Variants in ZNF385D observed in about 807,000 individuals in gnomAD.
ZNF385D encodes zinc finger protein 385D, also known as zinc finger protein 659.
Under a neutral mutation model 35.8 loss-of-function variants are expected in ZNF385D, and 15 were observed. The observed-to-expected ratio is 0.42, with a 90% CI of 0.28 to 0.64. The LOEUF (loss-of-function observed/expected upper bound fraction) is 0.64, where lower values mean the gene tolerates loss of function less well. ZNF385D is among the 30% of genes least tolerant of loss of function. ZNF385D has a pLI of 0.23. For synonymous variants in ZNF385D, 212 were observed against 186.8 expected (o/e 1.13, Z -1.10); for missense variants, 474 against 494.6 (o/e 0.96, Z 0.39).
At chr3:21,882,242 T>C (rs1379996470) in intron 3 of ZNF385D, among the ~76,000 whole-genome samples, 1 of 151,926 alleles carries the variant, frequency 6.6e-6, no homozygotes, top group Admixed American at 6.6e-5. Context: ...AGTAAACATC[T>C]TTGTCTTTAT....
At chr3:21,947,716 A>C (rs1044421490) in intron 3 of ZNF385D, among the ~76,000 whole-genome samples, 1 of 152,122 alleles carries the variant, frequency 6.6e-6, no homozygotes, top group African/African-American at 2.4e-5. Context: ...ATATGTATTA[A>C]TCCATCTATC....
At chr3:22,271,251 A>G (rs1701162607) in intron 2 of ZNF385D, among the ~76,000 whole-genome samples, 1 of 151,954 alleles carries the variant, frequency 6.6e-6, no homozygotes, top group African/African-American at 2.4e-5. Context: ...CATAGCAGAA[A>G]AAAGGATGAA....
intron 3 of ZNF385D, among the ~76,000 whole-genome samples, chr3:22,037,871 A>G (rs1698436188): frequency 1.3e-5 from 2 of 152,142 alleles, no homozygotes; most frequent in African/African-American, 4.8e-5. Context: ...TACTGGTACC[A>G]AAACAGAGAT....
chr3:21,950,518 G>T (rs2125297127), intron 3 of ZNF385D, among the ~76,000 whole-genome samples: 2 of 151,794 alleles, frequency 1.3e-5, no homozygotes, highest in Middle Eastern at 6.8e-3. Flanking sequence ...TCACTCTGAT[G>T]ATAGTTTCTT....
intron 3 of ZNF385D, among the ~76,000 whole-genome samples, chr3:22,024,569 A>C (rs1559858102): frequency 6.6e-6 from 1 of 152,170 alleles, no homozygotes; most frequent in Non-Finnish European, 1.5e-5. Context: ...AACTGTTAAT[A>C]GTATGGAGAA....
chr3:21,995,915 T>C (rs1047476328), intron 3 of ZNF385D, among the ~76,000 whole-genome samples: 2 of 152,066 alleles, frequency 1.3e-5, no homozygotes, highest in African/African-American at 4.8e-5. Flanking sequence ...CTACATTGTC[T>C]ATACCTTGGG....
chr3:22,346,276 TTC>T (rs1695655867), intron 2 of ZNF385D, among the ~76,000 whole-genome samples: 1 of 152,240 alleles, frequency 6.6e-6, no homozygotes, highest in African/African-American at 2.4e-5. Flanking sequence ...AAATATTCAT[TTC>T]TTTTTCCAAA....
In ZNF385D at chr3:21,536,999, G is replaced by T. The variant is rs199752451; in HGVS notation, c.277-25976C>A. Among the ~76,000 whole-genome samples the T allele has an allele frequency of 7.2e-5, 11 of 151,748 alleles. No homozygotes were observed. In the East Asian group the frequency reaches 1.5e-3, roughly 21 times the overall value. On this transcript the variant is annotated intron_variant, in intron 3 of 7. Transcript: ENST00000281523. ...CTACAGTAAGGTTAATGTAGCACTT[G>T]TCAAGGAAGCAAAATTTCAGGGACA...
At chr3:21,572,590 G>T (rs183950393) in intron 2 of ZNF385D, among the ~76,000 whole-genome samples, 120 of 152,200 alleles carry the variant, frequency 7.9e-4, no homozygotes, top group Non-Finnish European at 1.2e-3. Context: ...TAAAAACAGA[G>T]TTTCCCCGGG....
intron 4 of ZNF385D, among the ~76,000 whole-genome samples, chr3:21,482,126 T>C (rs1704672623): frequency 6.6e-6 from 1 of 152,192 alleles, no homozygotes; most frequent in African/African-American, 2.4e-5. Context: ...TGTAGAGCCA[T>C]TGAGTCTATC....
chr3:22,141,147 T>A (rs1477875707), intron 3 of ZNF385D, among the ~76,000 whole-genome samples: 1 of 152,216 alleles, frequency 6.6e-6, no homozygotes, highest in African/African-American at 2.4e-5. Flanking sequence ...AGGTTTATAC[T>A]GTTCCTAAAA....
In ZNF385D at chr3:21,419,697, A is replaced by G. The variant is rs1202422025; in HGVS notation, c.*1517T>C. ...AGGTATATGTCAGCTTTCTATGGGA[A>G]AAAGCAAATAGCCTTTATCACAAAT... On this transcript the variant is annotated 3_prime_UTR_variant, in exon 8 of 8. Transcript: ENST00000281523. 6.6e-6 allele frequency: 1 copy of G among 152,144 alleles called. No homozygotes were observed. Among genetic ancestry groups the G allele is most frequent in the Non-Finnish European group, 1.5e-5 (1 of 68,004 alleles). The allele number at this position is 152,144 out of a possible 1,614,324, so 9.4% of individuals were successfully genotyped here.
At chr3:21,636,000 A>G (rs1217038234) in intron 2 of ZNF385D, among the ~76,000 whole-genome samples, 1 of 152,068 alleles carries the variant, frequency 6.6e-6, no homozygotes, top group East Asian at 1.9e-4. Context: ...TGCAATTGCA[A>G]ATTGTGCTGC....
intron 3 of ZNF385D, among the ~76,000 whole-genome samples, chr3:22,091,780 T>C (rs1396211909): frequency 1.3e-5 from 2 of 152,236 alleles, no homozygotes; most frequent in Non-Finnish European, 2.9e-5. Context: ...TTGCCTGTTA[T>C]ATGCATGTTT....
At chr3:22,303,864 A>G (rs1416304553) in intron 2 of ZNF385D, among the ~76,000 whole-genome samples, 1 of 151,814 alleles carries the variant, frequency 6.6e-6, no homozygotes, top group Non-Finnish European at 1.5e-5. Context: ...TGCAAACTCC[A>G]TCTCCGAGGT....
intron 2 of ZNF385D, among the ~76,000 whole-genome samples, chr3:21,602,402 T>C (rs1448006064): frequency 6.6e-6 from 1 of 151,612 alleles, no homozygotes; most frequent in Non-Finnish European, 1.5e-5. Flanking sequence ...AATAAATGAA[T>C]GGGCACATAG....
At chr3:21,702,240 G>T (rs7633987) in intron 1 of ZNF385D, among the ~76,000 whole-genome samples, 103,339 of 152,094 alleles carry the variant, frequency 0.68, 35,812 homozygotes, top group Non-Finnish European at 0.75. Flanking sequence ...CCTCAATTCT[G>T]GACTTCTTTA....
chr3:21,882,579 C>T (rs1232683602), intron 3 of ZNF385D, among the ~76,000 whole-genome samples: 6 of 151,970 alleles, frequency 3.9e-5, no homozygotes, highest in African/African-American at 1.4e-4. Context: ...TGAACTTGCA[C>T]TAACTCTGAG....
chr3:21,875,533 C>A (rs987833872), intron 3 of ZNF385D, among the ~76,000 whole-genome samples: 1 of 152,058 alleles, frequency 6.6e-6, no homozygotes, highest in African/African-American at 2.4e-5. Context: ...ACCTGCTAAT[C>A]CCCCATGTCT....
Sources: allele counts gnomAD v4.1 joint callset (sites outside exome capture counted in the v4.1 genomes callset), GRCh38; gene constraint gnomAD v4.1.1; transcripts MANE v1.5; gene names NCBI Gene and HGNC (gene_info 2026-07-23, HGNC 2026-07-21).